ZYG11B: variants seen among roughly 807,000 people sequenced by gnomAD.
ZYG11B encodes protein zyg-11 homolog B.
A neutral mutation model predicts 82.4 loss-of-function variants in ZYG11B; 36 were observed. The observed-to-expected ratio is 0.44, with a 90% CI of 0.33 to 0.58. ZYG11B has a LOEUF of 0.58. Ranked by LOEUF, ZYG11B falls within the 20% of genes least tolerant of loss-of-function variation. ZYG11B has a pLI of 0.02. For synonymous variants in ZYG11B, 303 were observed against 312.8 expected, an observed-to-expected ratio of 0.97 and a Z score of 0.33; for missense variants, 552 against 895.6, an observed-to-expected ratio of 0.62 and a Z score of 4.90.
rs1470172110 is a variant in ZYG11B, at chr1:52,801,991, G to A, written c.1647+11G>A. 1 of 1,593,748 alleles carries A rather than the reference G, an allele frequency of 6.3e-7. No homozygotes were observed. The highest frequency in any genetic ancestry group is 8.5e-7 in the Non-Finnish European group (1 of 1,174,346). ...ATGAGGGTTCTAGAGGTTAGAATGG[G>A]AATTTAGCTTACAGTTTTGATATTT... On this transcript the variant is annotated intron_variant, in intron 9 of 13. Transcript: ENST00000294353.
chr1:52,807,096 T>C (rs1345377581), intron 10 of ZYG11B, among the ~76,000 whole-genome samples: 2 of 152,042 alleles, frequency 1.3e-5, no homozygotes, highest in Non-Finnish European at 2.9e-5. Context: ...CTCAAACTCC[T>C]GACCTCATGA....
chr1:52,805,595 G>A, intron 10 of ZYG11B: 2 of 431,200 alleles, frequency 4.6e-6, no homozygotes, highest in South Asian at 1.7e-5. Context: ...ACTTTGGGAG[G>A]CTGAGGTGGG....
intron 10 of ZYG11B, among the ~76,000 whole-genome samples, chr1:52,807,509 T>TTTTTG (rs1645151012): frequency 6.7e-6 from 1 of 149,804 alleles, no homozygotes; most frequent in African/African-American, 2.4e-5. Flanking sequence ...TTTTTTTTTT[T>TTTTTG]GAGACAGGTT....
At chr1:52,743,179 G>A (rs559625729) in intron 1 of ZYG11B, among the ~76,000 whole-genome samples, 1 of 152,150 alleles carries the variant, frequency 6.6e-6, no homozygotes, top group South Asian at 2.1e-4. Flanking sequence ...GAGGGAAGTA[G>A]ACGTAGGAGA....
At chr1:52,744,434 A>G (rs1644460034) in intron 1 of ZYG11B, among the ~76,000 whole-genome samples, 2 of 152,320 alleles carry the variant, frequency 1.3e-5, no homozygotes, top group South Asian at 4.1e-4. Context: ...GACTGTACTA[A>G]TATTATCCCC....
chr1:52,782,249 G>GTTA (rs141140274), intron 4 of ZYG11B, among the ~76,000 whole-genome samples: 2,942 of 151,756 alleles, frequency 0.019, 94 homozygotes, highest in African/African-American at 0.067. Context: ...TTTAAAATTT[G>GTTA]TTATTATTAT....
chr1:52,804,580 T>C (rs1645125669), intron 10 of ZYG11B, among the ~76,000 whole-genome samples: 1 of 151,546 alleles, frequency 6.6e-6, no homozygotes, highest in Non-Finnish European at 1.5e-5. Context: ...ACCATTGCAC[T>C]CTAGCCTGGG....
chr1:52,796,633 C>T (rs1365029847), intron 7 of ZYG11B, 101 bp from the exon 8 acceptor site: 2 of 1,077,520 alleles, frequency 1.9e-6, no homozygotes, highest in Non-Finnish European at 2.7e-6. Context: ...CCAAGTTGAT[C>T]AGAGATTTTA....
rs71044422 is a variant in ZYG11B, at chr1:52,811,051, A to AGAT, written c.1696-2485_1696-2484insGAT. Among the ~76,000 whole-genome samples, 2 of 142,908 alleles carry AGAT rather than the reference A, an allele frequency of 1.4e-5. 1 individual carries two copies. The highest frequency in any genetic ancestry group is 5.3e-5 in the African/African-American group (2 of 37,914). 93.8% of individuals were successfully genotyped at this position (142,908 alleles called of 152,430 possible). On this transcript the variant is annotated intron_variant, in intron 10 of 13. Transcript: ENST00000294353. ...TCCGTCTCAAAAAAAAAAAAAAAAAAAGAGAAATTTATCTTTCATATTTAC... is the reference window on the plus strand; with the variant it reads ...TCCGTCTCAAAAAAAAAAAAAAAAAAGATAGAGAAATTTATCTTTCATATTTAC...
chr1:52,796,218 A>G, intron 6 of ZYG11B, 74 bp from the exon 7 acceptor site: 2 of 1,079,896 alleles, frequency 1.9e-6, no homozygotes, highest in Non-Finnish European at 2.8e-6. Context: ...TTGTAGCATC[A>G]GTTCCTAGCT....
At chr1:52,748,063 A>G (rs960715834) in intron 1 of ZYG11B, among the ~76,000 whole-genome samples, 5 of 152,246 alleles carry the variant, frequency 3.3e-5, no homozygotes, top group Admixed American at 2.0e-4. Context: ...ATATTAGTAG[A>G]GTAGTTAAGA....
chr1:52,740,523 A>T (rs946504229), intron 1 of ZYG11B, among the ~76,000 whole-genome samples: 1 of 150,596 alleles, frequency 6.6e-6, no homozygotes, highest in African/African-American at 2.5e-5. Context: ...CTTAAACACA[A>T]TGTTATCTAT....
rs1645330731 is a variant in ZYG11B, at chr1:52,827,001, A to G, written c.*5372A>G. 1 of 152,192 alleles carries G rather than the reference A, an allele frequency of 6.6e-6. No homozygotes were observed. 9.4% of individuals were successfully genotyped at this position (152,192 alleles called of 1,614,324 possible). Reference sequence around the variant, plus strand: ...TTTATACTCTCAGATAATCTGCAACAACAAAAATTAAGAAATCCCTGACTT... The same window carrying G: ...TTTATACTCTCAGATAATCTGCAACGACAAAAATTAAGAAATCCCTGACTT... On this transcript the variant is annotated 3_prime_UTR_variant, in exon 14 of 14. Coordinates refer to ENST00000294353, the MANE Select transcript of ZYG11B (RefSeq NM_024646.3).
chr1:52,770,542 C>A (rs1644740778), intron 2 of ZYG11B, among the ~76,000 whole-genome samples: 1 of 152,058 alleles, frequency 6.6e-6, no homozygotes, highest in African/African-American at 2.4e-5. Flanking sequence ...TTCATGGTCA[C>A]CCTAGGGTCC....
rs1645332080 is a variant in ZYG11B, at chr1:52,827,205, C to A, written c.*5576C>A. On this transcript the variant is annotated 3_prime_UTR_variant, in exon 14 of 14. Transcript: ENST00000294353. ...ACTGAAGGCACTGTTCTCACTATGGCCAGATGAATGGGAGTATTCTGTACA... is the reference window on the plus strand; with the variant it reads ...ACTGAAGGCACTGTTCTCACTATGGACAGATGAATGGGAGTATTCTGTACA... 6.6e-6 allele frequency: 1 copy of A among 152,164 alleles called. No individual in the cohort carries two copies. The highest frequency in any genetic ancestry group is 2.1e-4 in the South Asian group (1 of 4,828). The allele number at this position is 152,164 out of a possible 1,614,324, so 9.4% of individuals were successfully genotyped here.
intron 1 of ZYG11B, among the ~76,000 whole-genome samples, chr1:52,742,939 G>A (rs1644444135): frequency 6.6e-6 from 1 of 151,606 alleles, no homozygotes. Flanking sequence ...GGGAGGTGGG[G>A]GGCAGCCCCC....
At chr1:52,735,890 G>A (rs995470289) in intron 1 of ZYG11B, among the ~76,000 whole-genome samples, 1 of 152,106 alleles carries the variant, frequency 6.6e-6, no homozygotes, top group African/African-American at 2.4e-5. Flanking sequence ...AGACAGGACA[G>A]TAACATACTT....
rs1418434046 is a variant in ZYG11B, at chr1:52,776,228, A to ATATATATATATTTTTTTTT, written c.952-3625_952-3624insTATATATATATTTTTTTTT. 3.7e-5 allele frequency among the ~76,000 whole-genome samples: 3 copies of ATATATATATATTTTTTTTT among 81,356 alleles called. 1 individual carries two copies. Among genetic ancestry groups the ATATATATATATTTTTTTTT allele is most frequent in the Non-Finnish European group, 7.9e-5 (3 of 38,102 alleles). 53.4% of individuals were successfully genotyped at this position (81,356 alleles called of 152,430 possible). On this transcript the variant is annotated intron_variant, in intron 3 of 13. Coordinates refer to ENST00000294353, the MANE Select transcript of ZYG11B (RefSeq NM_024646.3). ...GAGCAAAACTCTGTCTTAAAAAAAAAAATATATATATATATATGCAATAAA... is the reference window on the plus strand; with the variant it reads ...GAGCAAAACTCTGTCTTAAAAAAAAATATATATATATTTTTTTTTAATATATATATATATATGCAATAAA...
intron 10 of ZYG11B, among the ~76,000 whole-genome samples, chr1:52,810,622 A>G (rs1645174493): frequency 6.6e-6 from 1 of 152,210 alleles, no homozygotes; most frequent in Admixed American, 6.5e-5. Flanking sequence ...TGTGACCAGT[A>G]TCTTGAGAAC....
Sources: gnomAD v4.1 joint callset for allele counts (sites outside exome capture counted in the v4.1 genomes callset) on GRCh38, gnomAD v4.1.1 for gene constraint, MANE v1.5 for transcripts, NCBI Gene and HGNC (gene_info 2026-07-23, HGNC 2026-07-21) for gene names.